Variants in TINAG observed in about 807,000 individuals in gnomAD.
The protein encoded by TINAG is tubulointerstitial nephritis antigen.
A neutral mutation model predicts 72.7 loss-of-function variants in TINAG; 83 were observed. That is an observed-to-expected ratio of 1.14 (90% CI 0.96 to 1.37). The LOEUF (loss-of-function observed/expected upper bound fraction) is 1.37, where lower values mean the gene tolerates loss of function less well. Ranked by LOEUF, TINAG falls within the 40% of genes most tolerant of loss-of-function variation. The pLI is 0.00. For synonymous variants in TINAG, 234 were observed against 189.9 expected (o/e 1.23, Z -1.91); for missense variants, 685 against 576.6 (o/e 1.19, Z -1.93).
intron 9 of TINAG, among the ~76,000 whole-genome samples, chr6:54,368,375 AATT>A (rs1409052609): frequency 2.0e-5 from 3 of 148,176 alleles, no homozygotes; most frequent in Non-Finnish European, 4.5e-5. Flanking sequence ...TCATTATATT[AATT>A]ATTATTATAC....
intron 9 of TINAG, among the ~76,000 whole-genome samples, chr6:54,374,316 T>C (rs759980592): frequency 6.6e-6 from 1 of 152,092 alleles, no homozygotes; most frequent in Non-Finnish European, 1.5e-5. Context: ...AATTTGTAGC[T>C]TCCTGGCAGA....
intron 9 of TINAG, among the ~76,000 whole-genome samples, chr6:54,378,466 G>A (rs1281306209): frequency 6.6e-6 from 1 of 152,198 alleles, no homozygotes; most frequent in Non-Finnish European, 1.5e-5. Context: ...GAAACTTACA[G>A]CAACTCTAAA....
chr6:54,339,205 A>T (rs184216495), intron 4 of TINAG, among the ~76,000 whole-genome samples: 86 of 152,330 alleles, frequency 5.6e-4, no homozygotes, highest in African/African-American at 1.9e-3. Context: ...ACAAAAATTT[A>T]AAATGACGGT....
chr6:54,372,696 C>T lies in TINAG; in HGVS notation c.1251-7830C>T, dbSNP rs145695459. On this transcript the variant is annotated intron_variant, in intron 9 of 10. Transcript: ENST00000259782. ...CAGAATCTAGGGTTAGGATTTTATCCGATCCTCCAAGAATATTATATAAAT... is the reference window on the plus strand; with the variant it reads ...CAGAATCTAGGGTTAGGATTTTATCTGATCCTCCAAGAATATTATATAAAT... Among the ~76,000 whole-genome samples, 290 of 145,808 alleles carry T rather than the reference C, an allele frequency of 2.0e-3. 1 individual carries two copies. Among genetic ancestry groups the T allele is most frequent in the African/African-American group, 6.8e-3 (274 of 40,042 alleles).
chr6:54,385,480 G>GAA (rs34481174), intron 10 of TINAG, among the ~76,000 whole-genome samples: 46 of 150,274 alleles, frequency 3.1e-4, no homozygotes, highest in Admixed American at 5.3e-4. Flanking sequence ...GGAACAATTT[G>GAA]AAAAAAAAAA....
intron 1 of TINAG, among the ~76,000 whole-genome samples, chr6:54,315,454 C>G (rs576196511): frequency 6.6e-6 from 1 of 151,692 alleles, no homozygotes; most frequent in African/African-American, 2.4e-5. Context: ...TATCTCTTGA[C>G]GGCCAAGAGT....
intron 6 of TINAG, among the ~76,000 whole-genome samples, chr6:54,347,919 G>T (rs1313797987): frequency 6.6e-6 from 1 of 151,920 alleles, no homozygotes; most frequent in Non-Finnish European, 1.5e-5. Flanking sequence ...CTAAACATAA[G>T]AATAATAATA....
intron 4 of TINAG, among the ~76,000 whole-genome samples, chr6:54,337,048 T>A (rs994028464): frequency 2.0e-5 from 3 of 151,942 alleles, no homozygotes; most frequent in African/African-American, 7.2e-5. Context: ...AGCCAATGAT[T>A]TTTGAGGTGA....
intron 9 of TINAG, among the ~76,000 whole-genome samples, chr6:54,371,189 C>A (rs1763595415): frequency 6.6e-6 from 1 of 151,436 alleles, no homozygotes. Flanking sequence ...TAGGACTAGT[C>A]TTGATTGTGA....
At chr6:54,343,172 C>G (rs184720885) in intron 4 of TINAG, 54 bp from the exon 5 acceptor site, 2 of 1,396,540 alleles carry the variant, frequency 1.4e-6, no homozygotes, top group African/African-American at 1.5e-5. Context: ...TGACATTTTC[C>G]TATTGAGACA....
At chr6:54,380,980 G>GATAT (rs10639072) in intron 10 of TINAG, among the ~76,000 whole-genome samples, 7,958 of 142,202 alleles carry the variant, frequency 0.056, 438 homozygotes, top group East Asian at 0.29. Context: ...TAACCTATAG[G>GATAT]ATATATATAT....
intron 3 of TINAG, among the ~76,000 whole-genome samples, chr6:54,326,598 A>G (rs1373452306): frequency 2.0e-5 from 3 of 152,144 alleles, no homozygotes; most frequent in Non-Finnish European, 4.4e-5. Context: ...AATGGACCTT[A>G]TTTAGGAAGA....
chr6:54,338,333 A>G (rs532354028), intron 4 of TINAG, among the ~76,000 whole-genome samples: 1 of 152,314 alleles, frequency 6.6e-6, no homozygotes, highest in East Asian at 1.9e-4. Context: ...GTTAAAAAGT[A>G]GACTTCTAAA....
chr6:54,352,780 A>G lies in TINAG; in HGVS notation c.1126+1383A>G, dbSNP rs60021603. ...TTTTAAATCAATCAAACAATTTTGA[A>G]TTGTAATTATTTAAAATTGAGAAAA... On this transcript the variant is annotated intron_variant, in intron 8 of 10. Transcript: ENST00000259782. Among the ~76,000 whole-genome samples the G allele has an allele frequency of 9.2e-3, 1,396 of 151,478 alleles. 32 individuals are homozygous for G. Among genetic ancestry groups the G allele is most frequent in the East Asian group, 0.053 (274 of 5,130 alleles).
chr6:54,314,226 T>C (rs1433426411), intron 1 of TINAG, among the ~76,000 whole-genome samples: 2 of 152,276 alleles, frequency 1.3e-5, no homozygotes, highest in East Asian at 3.9e-4. Flanking sequence ...ACATAAGATA[T>C]TTTGCCTGGA....
intron 10 of TINAG, among the ~76,000 whole-genome samples, chr6:54,382,917 A>G (rs1763993815): frequency 6.6e-6 from 1 of 152,152 alleles, no homozygotes; most frequent in South Asian, 2.1e-4. Context: ...TCTTCTCACC[A>G]TAAACATTAG....
Position 54,348,446 on chromosome 6 carries a change from G to A in TINAG, c.899+929G>A, listed in dbSNP as rs941879403. On this transcript the variant is annotated intron_variant, in intron 6 of 10. Coordinates refer to ENST00000259782, the MANE Select transcript of TINAG (RefSeq NM_014464.4). ...AATCTCATTGTATTGGATTGCTTGG[G>A]GTACTGTAACAAAATTCCATAGACT... Among the ~76,000 whole-genome samples the A allele has an allele frequency of 3.9e-5, 6 of 151,952 alleles. No homozygotes were observed. The South Asian group carries it at 8.3e-4, about 21-fold the overall frequency.
At chr6:54,361,804 C>A (rs1223667939) in intron 9 of TINAG, among the ~76,000 whole-genome samples, 1 of 151,542 alleles carries the variant, frequency 6.6e-6, no homozygotes, top group East Asian at 2.0e-4. Context: ...AGTGCTAATC[C>A]AACAAATATA....
chr6:54,318,905 A>G (rs1784430564), intron 1 of TINAG, among the ~76,000 whole-genome samples: 1 of 152,114 alleles, frequency 6.6e-6, no homozygotes, highest in African/African-American at 2.4e-5. Flanking sequence ...AAGTGAATGC[A>G]ATGTCTCAGT....
Sources: allele counts gnomAD v4.1 joint callset (sites outside exome capture counted in the v4.1 genomes callset), GRCh38; gene constraint gnomAD v4.1.1; transcripts MANE v1.5; gene names NCBI Gene and HGNC (gene_info 2026-07-23, HGNC 2026-07-21).